Variants in ASTN1 observed in about 807,000 individuals in gnomAD.
ASTN1 encodes the protein astrotactin 1, also known as astrotactin-1.
ASTN1 carries 41 observed loss-of-function variants against 140.7 expected under a neutral mutation model. That is an observed-to-expected ratio of 0.29 (90% CI 0.23 to 0.38). ASTN1 has a LOEUF of 0.38. Among genes scored for constraint, ASTN1 ranks in the 10% least tolerant of loss-of-function variants. The pLI is 1.00. For synonymous variants in ASTN1, 640 were observed against 652.2 expected (o/e 0.98, Z 0.29); for missense variants, 1,479 against 1,678.8 (o/e 0.88, Z 2.08).
intron 16 of ASTN1, among the ~76,000 whole-genome samples, chr1:176,921,702 T>A (rs972334762): frequency 1.3e-5 from 2 of 152,186 alleles, no homozygotes; most frequent in African/African-American, 4.8e-5. Context: ...CCTGTTCTTT[T>A]AATGCCAAAT....
chr1:176,994,850 T>C (rs1029303508), intron 8 of ASTN1, among the ~76,000 whole-genome samples: 1 of 152,160 alleles, frequency 6.6e-6, no homozygotes, highest in Non-Finnish European at 1.5e-5. Flanking sequence ...TAAATGATTG[T>C]TGGCTATTAT....
intron 8 of ASTN1, among the ~76,000 whole-genome samples, chr1:176,971,878 T>C (rs1673154579): frequency 6.6e-6 from 1 of 152,180 alleles, no homozygotes; most frequent in Non-Finnish European, 1.5e-5. Context: ...AGATAAGTCC[T>C]TTAATTTCCC....
chr1:176,911,852 G>T (rs1670255338), intron 16 of ASTN1, among the ~76,000 whole-genome samples: 1 of 152,190 alleles, frequency 6.6e-6, no homozygotes, highest in Admixed American at 6.5e-5. Context: ...GTACATAATT[G>T]TGTGTGTTAG....
chr1:177,148,693 G>A (rs879860178), intron 1 of ASTN1, among the ~76,000 whole-genome samples: 2 of 149,748 alleles, frequency 1.3e-5, no homozygotes, highest in Non-Finnish European at 3.0e-5. Context: ...TTCCTATAAA[G>A]AGATGGTGCA....
intron 2 of ASTN1, among the ~76,000 whole-genome samples, chr1:177,036,322 C>T (rs915013402): frequency 3.9e-5 from 6 of 151,922 alleles, no homozygotes; most frequent in Non-Finnish European, 5.9e-5. Context: ...GCTGGGATTA[C>T]AGGTGTGAGC....
chr1:177,151,775 A>G (rs1274544576), intron 1 of ASTN1, among the ~76,000 whole-genome samples: 1 of 152,194 alleles, frequency 6.6e-6, no homozygotes, highest in African/African-American at 2.4e-5. Context: ...TCTTTTCAAG[A>G]AATCGCCCTT....
At chr1:176,942,869 T>C in intron 14 of ASTN1, among the ~76,000 whole-genome samples, 1 of 118,680 alleles carries the variant, frequency 8.4e-6, no homozygotes, top group South Asian at 2.9e-4. Flanking sequence ...TATATATAGA[T>C]TGATGTCTCA....
At chr1:177,058,787 C>T (rs1161203871) in intron 2 of ASTN1, among the ~76,000 whole-genome samples, 5 of 146,982 alleles carry the variant, frequency 3.4e-5, no homozygotes, top group Non-Finnish European at 6.0e-5. Flanking sequence ...GTGCTCCCAT[C>T]CCCCCAGCAG....
chr1:176,876,475 T>C (rs1203089556), intron 21 of ASTN1, 62 bp downstream of exon 21: 3 of 1,549,790 alleles, frequency 1.9e-6, no homozygotes, highest in East Asian at 2.2e-5. Context: ...TCTGTCCTCA[T>C]AGCAAGTGGT....
chr1:177,041,124 C>T (rs975881057), intron 2 of ASTN1, among the ~76,000 whole-genome samples: 1 of 152,148 alleles, frequency 6.6e-6, no homozygotes, highest in Non-Finnish European at 1.5e-5. Context: ...AGAAGCAGCT[C>T]ATCAAGGGCT....
intron 8 of ASTN1, among the ~76,000 whole-genome samples, chr1:176,973,343 G>A (rs569808426): frequency 6.6e-6 from 1 of 152,148 alleles, no homozygotes; most frequent in South Asian, 2.1e-4. Context: ...ATTAAATTAT[G>A]TCATTCATTA....
intron 1 of ASTN1, among the ~76,000 whole-genome samples, chr1:177,089,164 C>T (rs187604523): frequency 1.8e-4 from 28 of 152,260 alleles, no homozygotes; most frequent in East Asian, 3.9e-4. Flanking sequence ...CAGAAGCTGA[C>T]GCCCTAATCT....
At chr1:177,039,473 A>T (rs1048508432) in intron 2 of ASTN1, among the ~76,000 whole-genome samples, 1 of 152,204 alleles carries the variant, frequency 6.6e-6, no homozygotes, top group Admixed American at 6.5e-5. Context: ...ACCCACATGG[A>T]AACTCTGGGC....
chr1:177,101,643 T>C (rs1306440008), intron 1 of ASTN1, among the ~76,000 whole-genome samples: 1 of 152,194 alleles, frequency 6.6e-6, no homozygotes, highest in East Asian at 1.9e-4. Flanking sequence ...GCTATCTTTG[T>C]TAAAATCCAT....
chr1:177,101,571 G>A (rs1308406188), intron 1 of ASTN1, among the ~76,000 whole-genome samples: 2 of 152,180 alleles, frequency 1.3e-5, no homozygotes, highest in Non-Finnish European at 2.9e-5. Flanking sequence ...AAGGGGCACA[G>A]GGAGGACAGG....
At chr1:176,886,057 C>T (rs17313125) in intron 18 of ASTN1, among the ~76,000 whole-genome samples, 25,003 of 151,804 alleles carry the variant, frequency 0.16, 2,565 homozygotes, top group Middle Eastern at 0.27. Flanking sequence ...GCATTAGGAA[C>T]GTTAAATAAG....
Position 177,097,357 on chromosome 1 carries a change from C to A in ASTN1, c.284-36092G>T, listed in dbSNP as rs150293973. 4.1e-3 allele frequency among the ~76,000 whole-genome samples: 617 copies of A among 152,252 alleles called. 2 individuals are homozygous for A. The highest frequency in any genetic ancestry group is 0.01 in the Middle Eastern group (3 of 294). On this transcript the variant is annotated intron_variant, in intron 1 of 22. Transcript: ENST00000361833. ...TAGGTTCAACCTAATGATTCCAGCTCCCATGAACACTGAGGTTAGAACCTG... is the reference window on the plus strand; with the variant it reads ...TAGGTTCAACCTAATGATTCCAGCTACCATGAACACTGAGGTTAGAACCTG...
intron 14 of ASTN1, among the ~76,000 whole-genome samples, chr1:176,936,734 A>G (rs999838812): frequency 2.6e-5 from 4 of 152,202 alleles, no homozygotes; most frequent in Non-Finnish European, 5.9e-5. Flanking sequence ...CTGGTTCTCA[A>G]AACCTGACTA....
intron 1 of ASTN1, among the ~76,000 whole-genome samples, chr1:177,129,220 C>A (rs1681820870): frequency 6.6e-6 from 1 of 152,164 alleles, no homozygotes; most frequent in African/African-American, 2.4e-5. Context: ...AGTGTCAGTT[C>A]CTGGGCTATA....
Sources: gnomAD v4.1 joint callset for allele counts (sites outside exome capture counted in the v4.1 genomes callset) on GRCh38, gnomAD v4.1.1 for gene constraint, MANE v1.5 for transcripts, NCBI Gene and HGNC (gene_info 2026-07-23, HGNC 2026-07-21) for gene names.